The following TACR3 variants were observed in gnomAD, a reference collection of about 807,000 sequenced individuals.
The protein encoded by TACR3 is neuromedin-K receptor.
In TACR3, 34 loss-of-function variants were observed where a neutral mutation model predicts 35.0. That is an observed-to-expected ratio of 0.97 (90% CI 0.74 to 1.30). The LOEUF is 1.30. Among genes scored for constraint, TACR3 ranks in the 50% most tolerant of loss-of-function variants. TACR3 has a pLI of 0.00. For missense variants in TACR3, 558 were observed against 591.7 expected (o/e 0.94, Z 0.59); for synonymous variants, 233 against 221.1 (o/e 1.05, Z -0.48).
At chr4:103,701,312 G>T (rs1722644057) in intron 1 of TACR3, among the ~76,000 whole-genome samples, 1 of 151,270 alleles carries the variant, frequency 6.6e-6, no homozygotes, top group Non-Finnish European at 1.5e-5. Context: ...GCTTCAAAGA[G>T]AATAAAATAC....
intron 1 of TACR3, among the ~76,000 whole-genome samples, chr4:103,690,145 G>A (rs1009384592): frequency 4.6e-5 from 7 of 152,102 alleles, no homozygotes; most frequent in Admixed American, 1.3e-4. Flanking sequence ...GAGACAATGC[G>A]TTATGATTAA....
At chr4:103,624,118 CTAAT>C (rs1413032905) in intron 3 of TACR3, among the ~76,000 whole-genome samples, 1 of 152,150 alleles carries the variant, frequency 6.6e-6, no homozygotes, top group African/African-American at 2.4e-5. Context: ...GTTGCTTATT[CTAAT>C]TAATATTTGA....
intron 1 of TACR3, among the ~76,000 whole-genome samples, chr4:103,689,996 A>G (rs928652962): frequency 3.3e-5 from 5 of 152,188 alleles, no homozygotes; most frequent in Non-Finnish European, 5.9e-5. Flanking sequence ...GAGAGCCATA[A>G]TGAAATTAAC....
chr4:103,647,574 A>G (rs1725489317), intron 3 of TACR3, among the ~76,000 whole-genome samples: 1 of 151,920 alleles, frequency 6.6e-6, no homozygotes, highest in African/African-American at 2.4e-5. Context: ...ATTATCATTG[A>G]AAAAAATGAA....
At chr4:103,662,217 G>GGTTTTTTTTTTTTT (rs1553972885) in intron 1 of TACR3, among the ~76,000 whole-genome samples, 4 of 86,272 alleles carry the variant, frequency 4.6e-5, no homozygotes, top group Non-Finnish European at 6.9e-5. Flanking sequence ...TGTTGATGGT[G>GGTTTTTTTTTTTTT]TTTTTTTTTT....
chr4:103,631,168 G>C (rs1373913968), intron 3 of TACR3, among the ~76,000 whole-genome samples: 1 of 152,018 alleles, frequency 6.6e-6, no homozygotes, highest in Non-Finnish European at 1.5e-5. Context: ...CACACATGGG[G>C]GCCTGTCGGG....
intron 3 of TACR3, among the ~76,000 whole-genome samples, chr4:103,635,171 C>A (rs751973086): frequency 2.6e-5 from 4 of 151,794 alleles, no homozygotes; most frequent in Non-Finnish European, 4.4e-5. Context: ...TGACATTGTA[C>A]TATAAGTATG....
At chr4:103,664,199 A>ACTC (rs1234676429) in intron 1 of TACR3, among the ~76,000 whole-genome samples, 1 of 152,042 alleles carries the variant, frequency 6.6e-6, no homozygotes. Context: ...TTTCCTTTCC[A>ACTC]CTCTAATACT....
chr4:103,688,396 A>G (rs1446524505), intron 1 of TACR3, among the ~76,000 whole-genome samples: 1 of 151,966 alleles, frequency 6.6e-6, no homozygotes, highest in African/African-American at 2.4e-5. Flanking sequence ...AAATTGACAA[A>G]TGGGATCTAA....
rs111949191 is a variant in TACR3, at chr4:103,618,514, G to A, written c.889-26831C>T. On this transcript the variant is annotated intron_variant, in intron 3 of 4. Transcript: ENST00000304883. ...AGCATAGTTTGAAGTCGGGTGGTAT[G>A]ATGCCTCTGGATTTGTTCTTTTTGC... is the stretch of plus-strand genomic sequence containing the variant. Among the ~76,000 whole-genome samples, 1,005 of 144,680 alleles carry A rather than the reference G, an allele frequency of 6.9e-3. 13 individuals carry two copies. The highest frequency in any genetic ancestry group is 0.024 in the African/African-American group (941 of 38,812). 94.9% of individuals were successfully genotyped at this position (144,680 alleles called of 152,430 possible). A position where few individuals can be genotyped will look rare whatever the true frequency, so the allele number is the denominator to read the frequency against.
chr4:103,698,940 TAAAATTA>T (rs1347428413), intron 1 of TACR3, among the ~76,000 whole-genome samples: 3 of 152,170 alleles, frequency 2.0e-5, no homozygotes, highest in Admixed American at 1.3e-4. Flanking sequence ...TAGGTACCCA[TAAAATTA>T]AAAATTAAAA....
intron 1 of TACR3, among the ~76,000 whole-genome samples, chr4:103,688,236 C>A (rs545263890): frequency 6.6e-5 from 10 of 152,238 alleles, no homozygotes; most frequent in Admixed American, 6.5e-4. Flanking sequence ...ACACCCTATA[C>A]AACAATCAAT....
At chr4:103,653,078 C>T (rs1560823087) in intron 3 of TACR3, among the ~76,000 whole-genome samples, 1 of 151,948 alleles carries the variant, frequency 6.6e-6, no homozygotes. Flanking sequence ...TAAGGACAAA[C>T]AGATTTATTA....
intron 1 of TACR3, among the ~76,000 whole-genome samples, chr4:103,715,123 T>G (rs193083408): frequency 6.6e-6 from 1 of 152,320 alleles, no homozygotes; most frequent in African/African-American, 2.4e-5. Flanking sequence ...GCTATCTTTC[T>G]TAAAGCTTTT....
At chr4:103,628,930 G>A (rs1218745460) in intron 3 of TACR3, among the ~76,000 whole-genome samples, 1 of 152,136 alleles carries the variant, frequency 6.6e-6, no homozygotes. Context: ...ACATCAAAAA[G>A]CTTAACCACC....
At chr4:103,615,266 C>T (rs185122222) in intron 3 of TACR3, among the ~76,000 whole-genome samples, 223 of 152,046 alleles carry the variant, frequency 1.5e-3, no homozygotes, top group African/African-American at 5.1e-3. Context: ...ACATGAAGAC[C>T]GAGTACTGGA....
Position 103,658,346 on chromosome 4 carries a change from A to T in TACR3, c.606T>A (p.Ile202=), listed in dbSNP as rs199915379. The T allele has an allele frequency of 5.5e-5, 89 of 1,613,820 alleles. No homozygotes were observed. Among genetic ancestry groups the T allele is most frequent in the Non-Finnish European group, 7.4e-5 (87 of 1,179,960 alleles). ...CTAGAATCCAAATACTTCCAATGAC[A>T]ATCTTGGTTGCTGTAGCAGACAGTC... ...KPRLSATATK[I]VIGSIWILAF... The change falls in exon 2 of 5, where the codon ATT becomes ATA. Residue 202 remains isoleucine, a synonymous_variant. Transcript: ENST00000304883.
intron 3 of TACR3, among the ~76,000 whole-genome samples, chr4:103,622,232 G>A (rs192600292): frequency 3.3e-5 from 5 of 152,304 alleles, no homozygotes; most frequent in East Asian, 3.9e-4. Context: ...AAGCCACAGC[G>A]AATTAATCAA....
At chr4:103,632,854 T>C (rs1725098184) in intron 3 of TACR3, among the ~76,000 whole-genome samples, 1 of 151,968 alleles carries the variant, frequency 6.6e-6, no homozygotes, top group African/African-American at 2.4e-5. Flanking sequence ...CTTGTAAATG[T>C]AGCCACAATA....
Sources: gnomAD v4.1 joint callset for allele counts (sites outside exome capture counted in the v4.1 genomes callset) on GRCh38, gnomAD v4.1.1 for gene constraint, MANE v1.5 for transcripts, NCBI Gene and HGNC (gene_info 2026-07-23, HGNC 2026-07-21) for gene names.